The following SHOC1 variants were observed in gnomAD, a reference collection of about 807,000 sequenced individuals.
SHOC1 encodes the protein shortage in chiasmata 1, also known as protein shortage in chiasmata 1 ortholog.
SHOC1 carries 136 observed loss-of-function variants against 179.2 expected under a neutral mutation model. The observed-to-expected ratio is 0.76, with a 90% CI of 0.66 to 0.87. The LOEUF (loss-of-function observed/expected upper bound fraction) is 0.87. Among genes scored for constraint, SHOC1 ranks in the 40% least tolerant of loss-of-function variants. The pLI is 0.00. For missense variants in SHOC1, 1,538 were observed against 1,700.8 expected, an observed-to-expected ratio of 0.90 and a Z score of 1.68; for synonymous variants, 489 against 586.6, an observed-to-expected ratio of 0.83 and a Z score of 2.41.
intron 20 of SHOC1, 73 bp from the exon 21 acceptor site, chr9:111,705,437 T>A: frequency 1.7e-6 from 1 of 598,588 alleles, no homozygotes; most frequent in Non-Finnish European, 2.8e-6. Context: ...TTTTTTTTAC[T>A]AAACATGAGG....
At chr9:111,702,357 C>G (rs13284027) in intron 22 of SHOC1, 131 bp from the exon 23 acceptor site, 126 of 603,034 alleles carry the variant, frequency 2.1e-4, no homozygotes, top group Admixed American at 4.2e-4. Context: ...GCCCCCATTT[C>G]ATGGAAAAAT....
At chr9:111,707,957 C>G in intron 18 of SHOC1, 33 bp from the exon 19 acceptor site, 2 of 1,310,288 alleles carry the variant, frequency 1.5e-6, no homozygotes, top group South Asian at 1.5e-5. Flanking sequence ...TTTTCAGTGT[C>G]TTGTTCAGAT....
chr9:111,706,850 C>A lies in SHOC1; in HGVS notation c.2559-104G>T, dbSNP rs1264997364. 4 of 700,418 alleles carry A rather than the reference C, an allele frequency of 5.7e-6. No individual in the cohort carries two copies. The East Asian group carries it at 8.8e-5, about 15-fold the overall frequency. The allele number at this position is 700,418 out of a possible 1,614,324, so 43.4% of individuals were successfully genotyped here. On this transcript the variant is annotated intron_variant, in intron 19 of 27. Transcript: ENST00000682961. The stretch of plus-strand genomic sequence containing the variant: ...TCTGGCTGTTCCATCCTTCTCTAAT[C>A]TATGCCTCATCTTAGAAAGGCACTG...
At chr9:111,751,353 T>TTGCCTGTTGTTGG (rs1834577152) in intron 8 of SHOC1, among the ~76,000 whole-genome samples, 3 of 152,044 alleles carry the variant, frequency 2.0e-5, no homozygotes, top group Non-Finnish European at 4.4e-5. Context: ...TACAAACTGC[T>TTGCCTGTTGTTGG]TGCCTGTTGT....
chr9:111,690,483 A>G (rs1172782463), intron 27 of SHOC1, among the ~76,000 whole-genome samples: 2 of 152,188 alleles, frequency 1.3e-5, no homozygotes, highest in Non-Finnish European at 2.9e-5. Flanking sequence ...ACAAAAATAT[A>G]AAAATAAAGA....
chr9:111,752,269 G>T (rs947469134), intron 8 of SHOC1, among the ~76,000 whole-genome samples: 7 of 152,142 alleles, frequency 4.6e-5, no homozygotes, highest in African/African-American at 1.7e-4. Context: ...AACAGAGGAG[G>T]AGCCCCAAAC....
chr9:111,694,205 C>T, intron 25 of SHOC1, 26 bp downstream of exon 25: 2 of 1,557,846 alleles, frequency 1.3e-6, no homozygotes, highest in Non-Finnish European at 1.7e-6. Context: ...TTGCAATTAT[C>T]TATTTTACAC....
At chr9:111,751,582 T>C (rs891804573) in intron 8 of SHOC1, among the ~76,000 whole-genome samples, 2 of 152,220 alleles carry the variant, frequency 1.3e-5, no homozygotes, top group Non-Finnish European at 2.9e-5. Context: ...GAATTTAGCA[T>C]ATTTTTTCAC....
intron 17 of SHOC1, among the ~76,000 whole-genome samples, chr9:111,713,529 T>C (rs1431444726): frequency 1.3e-5 from 2 of 152,194 alleles, no homozygotes; most frequent in African/African-American, 4.8e-5. Flanking sequence ...CTACTTACCA[T>C]TACAGTTTTG....
chr9:111,733,825 G>A (rs899495474), intron 12 of SHOC1, among the ~76,000 whole-genome samples: 3 of 151,222 alleles, frequency 2.0e-5, no homozygotes, highest in Admixed American at 6.6e-5. Context: ...CTGAGATCAC[G>A]CCAACCTGGG....
At position 111,693,830 on chromosome 9, in the gene SHOC1, A is replaced by G; in HGVS notation, c.3434T>C (p.Leu1145Pro). The G allele has an allele frequency of 6.8e-6, 11 of 1,609,256 alleles. No homozygotes were observed. The highest frequency in any genetic ancestry group is 9.3e-6 in the Non-Finnish European group (11 of 1,176,784). ...CACTTTTTCTGGGACTTCAGGTAGG[A>G]GTTCCTGAAGTTGACACAGAGTTGC... Reference protein sequence around the residue: ...LLATLCQLQELLPEVPEKVLK... With the variant: ...LLATLCQLQEPLPEVPEKVLK... The change falls in exon 26 of 28, where the codon CTC becomes CCC. Residue 1145 changes from leucine (L) to proline (P), a missense_variant. Leu to Pro is a moderately conservative substitution (Grantham distance 98, BLOSUM62 -3). Transcript: ENST00000682961.
chr9:111,695,348 T>C lies in SHOC1; in HGVS notation c.3184-986A>G, dbSNP rs535830114. Among the ~76,000 whole-genome samples the C allele has an allele frequency of 5.3e-4, 80 of 152,276 alleles. 2 individuals are homozygous for C. The highest frequency in any genetic ancestry group is 1.9e-3 in the African/African-American group (77 of 41,570). On this transcript the variant is annotated intron_variant, in intron 24 of 27. Transcript: ENST00000682961. ...ACGGTTAGTACACACCTGGGGAGTA[T>C]ATGCATTTTAAAGGATTTTCTTTAA...
chr9:111,694,456 CAACAGCAGA>C, intron 24 of SHOC1, 94 bp from the exon 25 acceptor site: 6 of 856,496 alleles, frequency 7.0e-6, no homozygotes, highest in Non-Finnish European at 1.1e-5. Context: ...TAAAATTAAA[CAACAGCAGA>C]TTCTATCTAA....
chr9:111,691,473 A>C lies in SHOC1; in HGVS notation c.4426+78T>G, dbSNP rs976994944. ...TTAAATGTAGTAATTAAAACAAAAAAAATGTTAAATTTGGAGATGATTTTA... is the reference window on the plus strand; with the variant it reads ...TTAAATGTAGTAATTAAAACAAAAACAATGTTAAATTTGGAGATGATTTTA... On this transcript the variant is annotated intron_variant, in intron 27 of 27. Transcript: ENST00000682961. 3.5e-6 allele frequency: 5 copies of C among 1,408,624 alleles called. No homozygotes were observed. The African/African-American group carries it at 7.3e-5, about 20-fold the overall frequency. 87.3% of individuals were successfully genotyped at this position (1,408,624 alleles called of 1,614,324 possible). A position where few individuals can be genotyped will look rare whatever the true frequency, so the allele number is the denominator to read the frequency against.
rs202215883 is a variant in SHOC1, at chr9:111,706,648, G to C, written c.2657C>G (p.Ser886Cys). Residue 886 changes from serine to cysteine, a missense_variant, in exon 20 of 28, where the codon TCT (serine) becomes TGT (cysteine). Physicochemically the swap from Ser to Cys is moderately radical, Grantham distance 112. Transcript: ENST00000682961. ...CTCTTTGCAGTGTTTAGTCCAACAA[G>C]AGTCTTCCACATAATTGTATTCCAC... ...FVVEYNYVED[S>C]CWTKHCKELN... is the part of the protein sequence containing the mutation. 6.2e-6 allele frequency: 10 copies of C among 1,609,176 alleles called. No individual in the cohort carries two copies. The highest frequency in any genetic ancestry group is 8.5e-6 in the Non-Finnish European group (10 of 1,176,998).
rs867898452 is a variant in SHOC1, at chr9:111,760,675, A to T, written c.443-1827T>A. ...TAAAAATTAATGGAAAAAACATAAA[A>T]ATACCAATTTGTGAACTATCAAGGA... On this transcript the variant is annotated intron_variant, in intron 5 of 27. Coordinates refer to ENST00000682961, the MANE Select transcript of SHOC1 (RefSeq NM_001378211.1). 2.6e-5 allele frequency among the ~76,000 whole-genome samples: 4 copies of T among 152,002 alleles called. No individual in the cohort carries two copies. The South Asian group carries it at 8.3e-4, about 31-fold the overall frequency.
rs138345623 is a variant in SHOC1 at position 111,780,976 on chromosome 9, A to G, written c.211T>C (p.Leu71=). The change falls in exon 4 of 28, where the codon TTG becomes CTG. Residue 71 remains leucine (L), a synonymous_variant. Transcript: ENST00000682961. ...SVPGMTDTSV[L]DQWKASFFVE... is the part of the protein sequence containing the mutation. ...AAGAAACTTGCTTTCCATTGGTCCA[A>G]GACTGAGGTATCTGTCATTCCCGGA... The G allele has an allele frequency of 5.7e-5, 92 of 1,613,748 alleles. No homozygotes were observed. The African/African-American group carries it at 1.1e-3, about 20-fold the overall frequency.
chr9:111,762,266 CA>C (rs1260852766), intron 5 of SHOC1, among the ~76,000 whole-genome samples: 1 of 147,666 alleles, frequency 6.8e-6, no homozygotes, highest in African/African-American at 2.5e-5. Flanking sequence ...CTTGTCTCTA[CA>C]AAAAAATTAA....
intron 23 of SHOC1, among the ~76,000 whole-genome samples, chr9:111,701,427 G>A (rs1174925118): frequency 2.0e-5 from 3 of 152,014 alleles, no homozygotes; most frequent in African/African-American, 7.2e-5. Context: ...GAAAATCTGG[G>A]TAAAAATAAG....
Sources: gnomAD v4.1 joint callset for allele counts (sites outside exome capture counted in the v4.1 genomes callset) on GRCh38, gnomAD v4.1.1 for gene constraint, MANE v1.5 for transcripts, NCBI Gene and HGNC (gene_info 2026-07-23, HGNC 2026-07-21) for gene names.